The following KCNK9 variants were observed in gnomAD, a reference collection of about 807,000 sequenced individuals.
KCNK9 encodes potassium channel subfamily K member 9.
Under a neutral mutation model 10.8 loss-of-function variants are expected in KCNK9, and 1 was observed. The observed-to-expected ratio is 0.09, with a 90% confidence interval of 0.03 to 0.44. The LOEUF (loss-of-function observed/expected upper bound fraction) is 0.44, where lower values mean the gene tolerates loss of function less well. Ranked by LOEUF, KCNK9 falls within the 20% of genes least tolerant of loss-of-function variation. The pLI is 0.97. For synonymous variants in KCNK9, 231 were observed against 222.7 expected, an observed-to-expected ratio of 1.04 and a Z score of -0.33; for missense variants, 303 against 515.0, an observed-to-expected ratio of 0.59 and a Z score of 3.98.
Position 139,664,023 on chromosome 8 carries a change from T to TA in KCNK9, c.283+38686dup, listed in dbSNP as rs199607617. Among the ~76,000 whole-genome samples the TA allele has an allele frequency of 8.5e-5, 13 of 152,290 alleles. 1 individual carries two copies. The East Asian group carries it at 2.3e-3, about 27-fold the overall frequency. On this transcript the variant is annotated intron_variant, in intron 1 of 1. Transcript: ENST00000520439. Reference sequence around the variant, plus strand: ...GGAGAACGCTGCGAGGGCTTGCGGCTATCCTACAGAGGAGGAAACGGGAGC... The same window carrying TA: ...GGAGAACGCTGCGAGGGCTTGCGGCTAATCCTACAGAGGAGGAAACGGGAGC...
intron 1 of KCNK9, among the ~76,000 whole-genome samples, chr8:139,686,372 A>G (rs1394240319): frequency 1.3e-5 from 2 of 152,242 alleles, no homozygotes; most frequent in Non-Finnish European, 1.5e-5. Flanking sequence ...CATCTGACAA[A>G]GGGCTAATAT....
At chr8:139,657,819 G>A (rs1479173614) in intron 1 of KCNK9, among the ~76,000 whole-genome samples, 5 of 152,294 alleles carry the variant, frequency 3.3e-5, no homozygotes, top group South Asian at 2.1e-4. Flanking sequence ...TCACCCTGGC[G>A]GGTGGGGAGG....
chr8:139,666,756 C>T (rs1287205774), intron 1 of KCNK9, among the ~76,000 whole-genome samples: 2 of 152,290 alleles, frequency 1.3e-5, no homozygotes, highest in African/African-American at 2.4e-5. Context: ...CTAGTTGGCA[C>T]ATCACCAGCT....
At chr8:139,604,292 G>T (rs541944860) in intron 2 of KCNK9, among the ~76,000 whole-genome samples, 1 of 152,304 alleles carries the variant, frequency 6.6e-6, no homozygotes, top group Admixed American at 6.5e-5. Context: ...ATGCTTCCCT[G>T]GGGGAGACAC....
chr8:139,642,965 T>C (rs1815551612), intron 1 of KCNK9, among the ~76,000 whole-genome samples: 2 of 152,158 alleles, frequency 1.3e-5, no homozygotes, highest in South Asian at 4.2e-4. Flanking sequence ...GTCAGATAGC[T>C]CCTGTCCCCT....
intron 1 of KCNK9, among the ~76,000 whole-genome samples, chr8:139,698,745 C>A (rs952879795): frequency 4.6e-5 from 7 of 152,188 alleles, no homozygotes; most frequent in African/African-American, 1.7e-4. Context: ...GTGTGAACCA[C>A]GTACCAAAAA....
At chr8:139,675,943 A>G (rs1018623465) in intron 1 of KCNK9, among the ~76,000 whole-genome samples, 3 of 152,110 alleles carry the variant, frequency 2.0e-5, no homozygotes, top group Non-Finnish European at 2.9e-5. Context: ...GTGCTGGCCA[A>G]TGGAATGTGG....
intron 1 of KCNK9, among the ~76,000 whole-genome samples, chr8:139,695,563 T>A (rs1007104647): frequency 6.6e-6 from 1 of 152,124 alleles, no homozygotes; most frequent in African/African-American, 2.4e-5. Context: ...CAGGTGGGGA[T>A]GGGCAGGAAA....
intron 1 of KCNK9, among the ~76,000 whole-genome samples, chr8:139,684,050 C>A (rs975415880): frequency 1.3e-5 from 2 of 152,170 alleles, no homozygotes; most frequent in Non-Finnish European, 2.9e-5. Context: ...GAAGACAAAG[C>A]CAAAAAGTCA....
Position 139,677,157 on chromosome 8 carries a change from AC to A in KCNK9, c.283+25552del, listed in dbSNP as rs542239786. ...TTAGTTGGTGGCCGCAGGGGACCCTACCCCCTGTGGCCACCAATTAAAGGTT... is the reference window on the plus strand; with the variant it reads ...TTAGTTGGTGGCCGCAGGGGACCCTACCCCTGTGGCCACCAATTAAAGGTT... On this transcript the variant is annotated intron_variant, in intron 1 of 1. Transcript: ENST00000520439. 4.0e-5 allele frequency among the ~76,000 whole-genome samples: 6 copies of A among 151,862 alleles called. No homozygotes were observed. The South Asian group carries it at 1.3e-3, about 32-fold the overall frequency.
chr8:139,702,159 G>C lies in KCNK9; in HGVS notation c.283+551C>G, dbSNP rs967605358. Among the ~76,000 whole-genome samples, 3 of 151,150 alleles carry C rather than the reference G, an allele frequency of 2.0e-5. No individual in the cohort carries two copies. Among genetic ancestry groups the C allele is most frequent in the Admixed American group, 2.0e-4 (3 of 15,252 alleles). On this transcript the variant is annotated intron_variant, in intron 1 of 1. Transcript: ENST00000520439. The surrounding 1 kb of genome is among the most constrained non-coding windows in gnomAD (Gnocchi z 7.5). ...ACTCAGGGGAAAAAAGGAGCCGGGCGGGGGGAAGAGAGATGAAATCTGAGC... is the reference window on the plus strand; with the variant it reads ...ACTCAGGGGAAAAAAGGAGCCGGGCCGGGGGAAGAGAGATGAAATCTGAGC...
chr8:139,603,420 C>T (rs778408737), intron 2 of KCNK9, among the ~76,000 whole-genome samples: 3 of 152,146 alleles, frequency 2.0e-5, no homozygotes, highest in Non-Finnish European at 1.5e-5. Flanking sequence ...ACTGATTAGC[C>T]AGGGACTCAA....
intron 1 of KCNK9, 69 bp from the exon 2 acceptor site, chr8:139,619,168 G>T: frequency 6.4e-7 from 1 of 1,567,820 alleles, no homozygotes; most frequent in South Asian, 1.1e-5. Context: ...GGGAAGGGAG[G>T]GTCGACTTGG....
Position 139,702,307 on chromosome 8 carries a change from C to T in KCNK9, c.283+403G>A, listed in dbSNP as rs1047410688. Among the ~76,000 whole-genome samples, 1 of 152,218 alleles carries T rather than the reference C, an allele frequency of 6.6e-6. No individual in the cohort carries two copies. The highest frequency in any genetic ancestry group is 1.5e-5 in the Non-Finnish European group (1 of 68,028). On this transcript the variant is annotated intron_variant, in intron 1 of 1. Coordinates refer to ENST00000520439, the MANE Select transcript of KCNK9 (RefSeq NM_001282534.2). The surrounding 1 kb of genome is among the most constrained non-coding windows in gnomAD (Gnocchi z 7.5). ...TGGGTGCCAGGCCAGCCCTCTCCAA[C>T]TCCCAGAGAGGTAGTAAGTGTAAGG...
intron 1 of KCNK9, among the ~76,000 whole-genome samples, chr8:139,685,162 C>T (rs7817359): frequency 0.51 from 77,686 of 152,020 alleles, 20,723 homozygotes; most frequent in South Asian, 0.59. Context: ...AAAAATTAAT[C>T]ATTGCACTAC....
At chr8:139,700,542 GCGCA>G (rs1207113800) in intron 1 of KCNK9, among the ~76,000 whole-genome samples, 4 of 134,202 alleles carry the variant, frequency 3.0e-5, no homozygotes, top group African/African-American at 8.8e-5. Flanking sequence ...ACACACACGC[GCGCA>G]CACACACACA....
intron 1 of KCNK9, among the ~76,000 whole-genome samples, chr8:139,629,137 T>C (rs893200640): frequency 9.2e-5 from 14 of 152,222 alleles, no homozygotes; most frequent in African/African-American, 3.4e-4. Context: ...TTTCTATGGA[T>C]TGGAAGGCTG....
chr8:139,602,756 A>G (rs1224820984), intron 2 of KCNK9, among the ~76,000 whole-genome samples: 3 of 152,252 alleles, frequency 2.0e-5, no homozygotes, highest in Non-Finnish European at 2.9e-5. Context: ...CTCATCGTGC[A>G]GCATAACACA....
chr8:139,618,287 T>C lies in KCNK9; in HGVS notation c.1096A>G (p.Arg366Gly). The C allele has an allele frequency of 6.2e-7, 1 of 1,614,222 alleles. No individual in the cohort carries two copies. The highest frequency in any genetic ancestry group is 8.5e-7 in the Non-Finnish European group (1 of 1,180,040). ...ACGGACTTCCGGCGTTTCATCAGCCTCTGGTGGTCGGTAAAGCTGTGTAAC... is the reference window on the plus strand; with the variant it reads ...ACGGACTTCCGGCGTTTCATCAGCCCCTGGTGGTCGGTAAAGCTGTGTAAC... ...PGLHSFTDHQ[R>G]LMKRRKSV The change falls in exon 2 of 2, where the codon AGG (arginine) becomes GGG (glycine). Residue 366 changes from arginine to glycine, a missense_variant. Coordinates refer to ENST00000520439, the MANE Select transcript of KCNK9 (RefSeq NM_001282534.2). The surrounding 1 kb of genome is among the most constrained non-coding windows in gnomAD (Gnocchi z 7.9).
Sources: gnomAD v4.1 joint callset for allele counts (sites outside exome capture counted in the v4.1 genomes callset) on GRCh38, gnomAD v4.1.1 for gene constraint, Gnocchi (gnomAD v3.1) non-coding constraint, MANE v1.5 for transcripts, NCBI Gene and HGNC (gene_info 2026-07-23, HGNC 2026-07-21) for gene names.